NEMP1: variants seen among roughly 807,000 people sequenced by gnomAD.
NEMP1 encodes transmembrane protein 194.
A neutral mutation model predicts 53.7 loss-of-function variants in NEMP1; 29 were observed. That is an observed-to-expected ratio of 0.54 (90% CI 0.40 to 0.74). The LOEUF (loss-of-function observed/expected upper bound fraction) is 0.74. NEMP1 is among the 30% of genes least tolerant of loss of function. The probability of loss-of-function intolerance (pLI) is 0.00; values close to 1 mark genes in which losing one functional copy is unlikely to be tolerated. For missense variants in NEMP1, 477 were observed against 528.6 expected, an observed-to-expected ratio of 0.90 and a Z score of 0.96; for synonymous variants, 193 against 192.9, an observed-to-expected ratio of 1.00 and a Z score of 0.00.
At chr12:57,063,871 G>A (rs1319209772) in intron 6 of NEMP1, among the ~76,000 whole-genome samples, 200 bp downstream of exon 6, 1 of 151,626 alleles carries the variant, frequency 6.6e-6, no homozygotes, top group African/African-American at 2.4e-5. Context: ...GAACATCTTC[G>A]CCTTAACAGC....
chr12:57,072,731 T>A, intron 2 of NEMP1, 57 bp downstream of exon 2: 1 of 1,545,690 alleles, frequency 6.5e-7, no homozygotes, highest in South Asian at 1.2e-5. Flanking sequence ...AAATACTCAC[T>A]AATCACCAAC....
intron 2 of NEMP1, among the ~76,000 whole-genome samples, chr12:57,071,701 A>T (rs1035002732): frequency 1.3e-5 from 2 of 151,692 alleles, no homozygotes; most frequent in Non-Finnish European, 2.9e-5. Flanking sequence ...TTTTTAAAGA[A>T]TTTTTTTTAA....
At chr12:57,071,875 A>C (rs1167255768) in intron 2 of NEMP1, among the ~76,000 whole-genome samples, 1 of 152,048 alleles carries the variant, frequency 6.6e-6, no homozygotes, top group Non-Finnish European at 1.5e-5. Flanking sequence ...TGATGTGAAC[A>C]ACAAATGTCC....
In NEMP1 at chr12:57,058,012, TAG is replaced by T. The variant is rs951449886; in HGVS notation, c.*1865_*1866del. ...TTTCAGAAGTTTTAATAGTTCTTTG[TAG>T]AGAGAGAACATTTTACCATGTACAT... On this transcript the variant is annotated 3_prime_UTR_variant, in exon 9 of 9. Transcript: ENST00000300128. The T allele has an allele frequency of 2.0e-5, 3 of 152,216 alleles. No homozygotes were observed. The highest frequency in any genetic ancestry group is 6.5e-5 in the Admixed American group (1 of 15,278). 9.4% of individuals were successfully genotyped at this position (152,216 alleles called of 1,614,324 possible).
intron 4 of NEMP1, among the ~76,000 whole-genome samples, chr12:57,068,539 G>T (rs962633702): frequency 1.3e-5 from 2 of 151,932 alleles, no homozygotes; most frequent in African/African-American, 4.8e-5. Flanking sequence ...ACAGGGTTTT[G>T]CCATGTTGCC....
At chr12:57,079,488 C>G (rs2032778512), upstream of NEMP1, among the ~76,000 whole-genome samples, 1 of 152,178 alleles carries the variant, frequency 6.6e-6, no homozygotes, top group Non-Finnish European at 1.5e-5. Context: ...GGAACCTGCC[C>G]AAGATTTCAT....
rs372373562 is a variant in NEMP1, at chr12:57,066,044, G to A, written c.546-1305C>T. On this transcript the variant is annotated intron_variant, in intron 4 of 8. Coordinates refer to ENST00000300128, the MANE Select transcript of NEMP1 (RefSeq NM_001130963.2). ...CTGAGATGGGAGGATCACGAGGTCC[G>A]GAGATCGAGACCATCCTGGTTAACA... Among the ~76,000 whole-genome samples the A allele has an allele frequency of 1.8e-4, 27 of 151,992 alleles. No individual in the cohort carries two copies. In the East Asian group the frequency reaches 4.7e-3, roughly 27 times the overall value.
chr12:57,066,911 T>A (rs7974618), intron 4 of NEMP1, among the ~76,000 whole-genome samples: 61,737 of 152,120 alleles, frequency 0.41, 14,230 homozygotes, highest in Non-Finnish European at 0.52. Context: ...CCATGTAAGA[T>A]GTGCCTTTTG....
At chr12:57,066,898 C>T (rs901605888) in intron 4 of NEMP1, among the ~76,000 whole-genome samples, 3 of 152,212 alleles carry the variant, frequency 2.0e-5, no homozygotes, top group African/African-American at 4.8e-5. Flanking sequence ...CTCTTGCCTG[C>T]TGCCATGTAA....
At chr12:57,066,118 G>A (rs2032062019) in intron 4 of NEMP1, among the ~76,000 whole-genome samples, 1 of 152,072 alleles carries the variant, frequency 6.6e-6, no homozygotes. Context: ...AGCTGGGTGT[G>A]GTGGCAGGCG....
rs773610256 is a variant in NEMP1 at position 57,060,847 on chromosome 12, T to C, written c.1079A>G (p.Glu360Gly). 6.2e-7 allele frequency: 1 copy of C among 1,614,202 alleles called. No homozygotes were observed. Among genetic ancestry groups the C allele is most frequent in the Non-Finnish European group, 8.5e-7 (1 of 1,180,024 alleles). Residue 360 changes from glutamate (E) to glycine (G), a missense_variant, in exon 8 of 9, where the codon GAG becomes GGG. Glu to Gly is a moderately conservative substitution (Grantham distance 98). Coordinates refer to ENST00000300128, the MANE Select transcript of NEMP1 (RefSeq NM_001130963.2). ...ACTGTTACAAAATTCTCGGAGCTCC[T>C]CTAAAGCCTTTCGGGTTTCTACCTC... Reference protein sequence around the residue: ...QGEVETRKALEELREFCNSPD... With the variant: ...QGEVETRKALGELREFCNSPD...
chr12:57,076,848 TCC>T (rs2032645302), intron 1 of NEMP1, among the ~76,000 whole-genome samples: 1 of 144,490 alleles, frequency 6.9e-6, no homozygotes, highest in Non-Finnish European at 1.5e-5. Flanking sequence ...ATGCCTGTAG[TCC>T]CAGCTACTTG....
chr12:57,064,868 A>C lies in NEMP1; in HGVS notation c.546-129T>G, dbSNP rs539437169. 1.5e-5 allele frequency: 9 copies of C among 611,426 alleles called. No individual in the cohort carries two copies. The South Asian group carries it at 2.5e-4, about 17-fold the overall frequency. 37.9% of individuals were successfully genotyped at this position (611,426 alleles called of 1,614,324 possible). On this transcript the variant is annotated intron_variant, in intron 4 of 8. Coordinates refer to ENST00000300128, the MANE Select transcript of NEMP1 (RefSeq NM_001130963.2). ...GATTAGAGCAGTACAAGCATCAGAG[A>C]CATTTCAAATTTGGTTCCAGACCAC...
chr12:57,069,821 G>A (rs968567593), intron 3 of NEMP1, among the ~76,000 whole-genome samples: 8 of 149,616 alleles, frequency 5.3e-5, no homozygotes, highest in African/African-American at 1.7e-4. Flanking sequence ...CAGGACCAGG[G>A]GGCCCTAGCA....
chr12:57,081,123 C>T (rs1295298539), upstream of NEMP1, among the ~76,000 whole-genome samples: 2 of 152,138 alleles, frequency 1.3e-5, no homozygotes, highest in African/African-American at 4.8e-5. Flanking sequence ...CTTCCCAAAA[C>T]CCATAACACC....
intron 1 of NEMP1, among the ~76,000 whole-genome samples, chr12:57,085,958 G>T (rs1328959586): frequency 6.6e-6 from 1 of 152,236 alleles, no homozygotes; most frequent in Non-Finnish European, 1.5e-5. Context: ...CAGATAACAG[G>T]CCTATCCTGG....
In NEMP1 at chr12:57,060,869, C is replaced by T. The variant is rs2031766319; in HGVS notation, c.1057G>A (p.Val353Ile). 6.2e-7 allele frequency: 1 copy of T among 1,614,046 alleles called. No homozygotes were observed. Among genetic ancestry groups the T allele is most frequent in the African/African-American group, 1.3e-5 (1 of 74,930 alleles). The change falls in exon 8 of 9, where the codon GTA (valine) becomes ATA (isoleucine). Residue 353 changes from valine to isoleucine, a missense_variant. By Grantham distance (29) the Val-to-Ile change is conservative. Transcript: ENST00000300128. ...TEEEYRIQGEVETRKALEELR... is the reference protein window; with the variant it reads ...TEEEYRIQGEIETRKALEELR... ...TCCTCTAAAGCCTTTCGGGTTTCTA[C>T]CTCTCCTTGTATCCGATATTCTTCT...
At chr12:57,084,538 G>C (rs1415233428) in intron 1 of NEMP1, among the ~76,000 whole-genome samples, 1 of 152,122 alleles carries the variant, frequency 6.6e-6, no homozygotes, top group Admixed American at 6.5e-5. Context: ...TCAACTGAGA[G>C]GGTCCTTCAG....
At chr12:57,087,146 T>C (rs946193466) in intron 1 of NEMP1, among the ~76,000 whole-genome samples, 22 of 152,170 alleles carry the variant, frequency 1.4e-4, no homozygotes, top group Non-Finnish European at 4.4e-5. Context: ...GAGCTCAAAA[T>C]CGGCTCCTCC....
Sources: gnomAD v4.1 joint callset for allele counts (sites outside exome capture counted in the v4.1 genomes callset) on GRCh38, gnomAD v4.1.1 for gene constraint, MANE v1.5 for transcripts, NCBI Gene and HGNC (gene_info 2026-07-23, HGNC 2026-07-21) for gene names.